Variants in TNFRSF19 observed in about 807,000 individuals in gnomAD.
TNFRSF19 encodes TNF receptor superfamily member 19, also known as tumor necrosis factor receptor superfamily member 19.
In TNFRSF19, 27 loss-of-function variants were observed where a neutral mutation model predicts 46.4. The observed-to-expected ratio is 0.58, with a 90% CI of 0.43 to 0.80. TNFRSF19 has a LOEUF of 0.80. Ranked by LOEUF, TNFRSF19 falls within the 30% of genes least tolerant of loss-of-function variation. The probability of loss-of-function intolerance (pLI) is 0.00; values close to 1 mark genes in which losing one functional copy is unlikely to be tolerated. For missense variants in TNFRSF19, 511 were observed against 530.8 expected (o/e 0.96, Z 0.37); for synonymous variants, 204 against 205.0 (o/e 1.00, Z 0.04).
intron 5 of TNFRSF19, among the ~76,000 whole-genome samples, chr13:23,655,773 T>G (rs946468707): frequency 6.6e-6 from 1 of 150,798 alleles, no homozygotes; most frequent in Non-Finnish European, 1.5e-5. Flanking sequence ...GTTTTGTTTT[T>G]GTTTTTGTTT....
At chr13:23,580,628 G>A (rs1417209301) in intron 1 of TNFRSF19, among the ~76,000 whole-genome samples, 1 of 152,236 alleles carries the variant, frequency 6.6e-6, no homozygotes, top group South Asian at 2.1e-4. Flanking sequence ...TCCAGGCAGT[G>A]CTTATTATCT....
At chr13:23,588,371 G>A (rs1878998108) in intron 1 of TNFRSF19, among the ~76,000 whole-genome samples, 1 of 152,150 alleles carries the variant, frequency 6.6e-6, no homozygotes, top group Non-Finnish European at 1.5e-5. Flanking sequence ...TGTGAGATGG[G>A]TTCTATTTTT....
chr13:23,595,858 G>C (rs1448244673), intron 3 of TNFRSF19, among the ~76,000 whole-genome samples: 1 of 152,224 alleles, frequency 6.6e-6, no homozygotes, highest in Non-Finnish European at 1.5e-5. Flanking sequence ...GGCAGCCAGA[G>C]AGAAAGGTCA....
chr13:23,581,659 TA>T (rs1878444046), intron 1 of TNFRSF19, among the ~76,000 whole-genome samples: 1 of 152,230 alleles, frequency 6.6e-6, no homozygotes, highest in South Asian at 2.1e-4. Flanking sequence ...ACAGCTCTGT[TA>T]CATGAATTTA....
rs959091247 is a variant in TNFRSF19, at chr13:23,613,611, A to G, written c.181-2256A>G. On this transcript the variant is annotated intron_variant, in intron 3 of 9. Coordinates refer to ENST00000248484, the MANE Select transcript of TNFRSF19 (RefSeq NM_148957.4). Reference sequence around the variant, plus strand: ...ACTCTTACAACCTCAAGCTGCCTGGATCAAAGTGTGATTTTGAAATACTCT... The same window carrying G: ...ACTCTTACAACCTCAAGCTGCCTGGGTCAAAGTGTGATTTTGAAATACTCT... Among the ~76,000 whole-genome samples the G allele has an allele frequency of 2.6e-5, 4 of 152,086 alleles. No individual in the cohort carries two copies. The East Asian group carries it at 7.7e-4, about 29-fold the overall frequency.
rs139139737 is a variant in TNFRSF19, at chr13:23,575,164, A to G, written c.-35+4316A>G. On this transcript the variant is annotated intron_variant, in intron 1 of 9. Transcript: ENST00000248484. ...GGGGAGTCCACCATGTTCATCAGGA[A>G]GGAGAGAAGGAGAGTCAATGGACTG... 3.2e-3 allele frequency among the ~76,000 whole-genome samples: 484 copies of G among 152,320 alleles called. 5 individuals carry two copies. Among genetic ancestry groups the G allele is most frequent in the African/African-American group, 0.011 (449 of 41,572 alleles).
In TNFRSF19 at chr13:23,577,788, G is replaced by A. The variant is rs114436992; in HGVS notation, c.-35+6940G>A. On this transcript the variant is annotated intron_variant, in intron 1 of 9. Transcript: ENST00000248484. ...CGAGGCAAGGCTGGAAATAGGTGTA[G>A]GGCTGCACCTGGACATCTCGGAATG... 3.5e-3 allele frequency among the ~76,000 whole-genome samples: 540 copies of A among 152,292 alleles called. 4 individuals are homozygous for A. Among genetic ancestry groups the A allele is most frequent in the African/African-American group, 0.012 (509 of 41,550 alleles).
chr13:23,615,721 T>A (rs1881231781), intron 3 of TNFRSF19, 146 bp from the exon 4 acceptor site: 5 of 684,568 alleles, frequency 7.3e-6, no homozygotes, highest in Non-Finnish European at 1.1e-5. Context: ...GAAGACACAT[T>A]TGAACTTGCT....
chr13:23,588,205 G>A (rs1282295520), intron 1 of TNFRSF19, among the ~76,000 whole-genome samples: 1 of 152,190 alleles, frequency 6.6e-6, no homozygotes, highest in Non-Finnish European at 1.5e-5. Flanking sequence ...ATTTAGAGAT[G>A]AGGAAACTGA....
At chr13:23,591,813 C>G (rs568022927) in intron 2 of TNFRSF19, among the ~76,000 whole-genome samples, 4 of 151,484 alleles carry the variant, frequency 2.6e-5, no homozygotes, top group Non-Finnish European at 5.9e-5. Context: ...GCAACCTCCG[C>G]TTCCCAGTTT....
intron 4 of TNFRSF19, among the ~76,000 whole-genome samples, chr13:23,626,187 CTGTGTGTG>C (rs35509472): frequency 3.6e-4 from 52 of 145,542 alleles, no homozygotes; most frequent in Middle Eastern, 7.0e-3. Context: ...TCTTTAAAAT[CTGTGTGTG>C]TGTGTGTGTG....
At chr13:23,598,786 G>T (rs1166435257) in intron 3 of TNFRSF19, among the ~76,000 whole-genome samples, 1 of 152,202 alleles carries the variant, frequency 6.6e-6, no homozygotes, top group Admixed American at 6.5e-5. Context: ...ATCTTTTGAA[G>T]ATGTTACTAG....
At chr13:23,656,726 C>G (rs1351884068) in intron 5 of TNFRSF19, among the ~76,000 whole-genome samples, 1 of 152,182 alleles carries the variant, frequency 6.6e-6, no homozygotes, top group Non-Finnish European at 1.5e-5. Flanking sequence ...GCCTTCCTCA[C>G]CAATGTAAAT....
At chr13:23,622,427 AT>A (rs1881728305) in intron 4 of TNFRSF19, among the ~76,000 whole-genome samples, 2 of 152,054 alleles carry the variant, frequency 1.3e-5, no homozygotes, top group South Asian at 4.1e-4. Flanking sequence ...AATAAACATT[AT>A]TTAATTAATT....
intron 7 of TNFRSF19, among the ~76,000 whole-genome samples, chr13:23,664,880 A>G (rs950633631): frequency 3.3e-5 from 5 of 152,254 alleles, no homozygotes; most frequent in African/African-American, 9.6e-5. Flanking sequence ...GTACTTGTGG[A>G]TCTAAACATA....
rs190414940 is a variant in TNFRSF19 at position 23,632,592 on chromosome 13, T to C, written c.445+5800T>C. Among the ~76,000 whole-genome samples, 415 of 152,344 alleles carry C rather than the reference T, an allele frequency of 2.7e-3. 1 individual carries two copies. The highest frequency in any genetic ancestry group is 9.2e-3 in the African/African-American group (381 of 41,580). ...TTTCTTTACTGTATCTCTTTCTTTTTGTCAATAACATGTGATTTCATTATT... is the reference window on the plus strand; with the variant it reads ...TTTCTTTACTGTATCTCTTTCTTTTCGTCAATAACATGTGATTTCATTATT... On this transcript the variant is annotated intron_variant, in intron 5 of 9. Coordinates refer to ENST00000248484, the MANE Select transcript of TNFRSF19 (RefSeq NM_148957.4).
intron 7 of TNFRSF19, among the ~76,000 whole-genome samples, chr13:23,665,219 G>A (rs1951605689): frequency 6.6e-6 from 1 of 152,144 alleles, no homozygotes; most frequent in Non-Finnish European, 1.5e-5. Context: ...ACTGTTACTA[G>A]AGTCAGAGTA....
chr13:23,621,006 T>C (rs1881614180), intron 4 of TNFRSF19, among the ~76,000 whole-genome samples: 1 of 152,180 alleles, frequency 6.6e-6, no homozygotes, highest in Admixed American at 6.5e-5. Flanking sequence ...ATGAAAGGAC[T>C]GGAATTCACC....
At chr13:23,660,618 C>A (rs752807292) in intron 7 of TNFRSF19, 128 bp downstream of exon 7, 158 of 1,113,660 alleles carry the variant, frequency 1.4e-4, no homozygotes, top group Non-Finnish European at 1.8e-4. Flanking sequence ...TAAAACTAAT[C>A]TTGTTAAATT....
Sources: gnomAD v4.1 joint callset for allele counts (sites outside exome capture counted in the v4.1 genomes callset) on GRCh38, gnomAD v4.1.1 for gene constraint, MANE v1.5 for transcripts, NCBI Gene and HGNC (gene_info 2026-07-23, HGNC 2026-07-21) for gene names.